The following FRMD4B variants were observed in gnomAD, a reference collection of about 807,000 sequenced individuals.
The protein encoded by FRMD4B is FERM domain-containing protein 4B.
Under a neutral mutation model 141.5 loss-of-function variants are expected in FRMD4B, and 74 were observed. That is an observed-to-expected ratio of 0.52 (90% CI 0.43 to 0.63). FRMD4B has a LOEUF of 0.63. FRMD4B is among the 30% of genes least tolerant of loss of function. The pLI is 0.00. For synonymous variants in FRMD4B, 506 were observed against 467.9 expected (o/e 1.08, Z -1.05); for missense variants, 1,366 against 1,253.4 (o/e 1.09, Z -1.36).
intron 1 of FRMD4B, chr3:69,472,219 T>G: frequency 3.3e-6 from 1 of 301,418 alleles, no homozygotes; most frequent in Admixed American, 3.6e-5. Context: ...GAAGATCTTG[T>G]GACTAAAATG....
chr3:69,464,577 C>A (rs535238290), intron 1 of FRMD4B, among the ~76,000 whole-genome samples: 1 of 152,232 alleles, frequency 6.6e-6, no homozygotes, highest in African/African-American at 2.4e-5. Flanking sequence ...AATGTGGAGA[C>A]CCCTTTCTTA....
At chr3:69,177,962 G>A (rs1283249477) in intron 21 of FRMD4B, among the ~76,000 whole-genome samples, 1 of 152,194 alleles carries the variant, frequency 6.6e-6, no homozygotes, top group Non-Finnish European at 1.5e-5. Flanking sequence ...AAGTAGCACA[G>A]GAAGGAATTC....
At position 69,170,724 on chromosome 3, in the gene FRMD4B, A is replaced by C. The variant is rs928570655; in HGVS notation, c.*1137T>G. The stretch of plus-strand genomic sequence containing the variant: ...ACCCTACAATAAACCATAGCTAATT[A>C]GTTCTTCCAAGGAAAGTATGAGGTA... On this transcript the variant is annotated 3_prime_UTR_variant, in exon 23 of 23. Transcript: ENST00000398540. 6.6e-6 allele frequency: 1 copy of C among 152,214 alleles called. No individual in the cohort carries two copies. Among genetic ancestry groups the C allele is most frequent in the African/African-American group, 2.4e-5 (1 of 41,452 alleles). The allele number at this position is 152,214 out of a possible 1,614,324, so 9.4% of individuals were successfully genotyped here.
At chr3:69,448,309 C>T (rs1331335597) in intron 1 of FRMD4B, among the ~76,000 whole-genome samples, 1 of 152,136 alleles carries the variant, frequency 6.6e-6, no homozygotes, top group Admixed American at 6.6e-5. Context: ...GGATTACAGG[C>T]GTGAGACACC....
At chr3:69,242,429 T>C (rs1171865045) in intron 7 of FRMD4B, among the ~76,000 whole-genome samples, 2 of 146,718 alleles carry the variant, frequency 1.4e-5, no homozygotes, top group Admixed American at 6.9e-5. Flanking sequence ...CTTCCTTAAC[T>C]ACTCTCCAGG....
In FRMD4B at chr3:69,266,193, C is replaced by A. The variant is rs141377945; in HGVS notation, c.502-16094G>T. ...CTCCAGCCTGGGTGACAGAGTGAGA[C>A]CTTGTCTCAAAAAAGAAAAAAAAAA... On this transcript the variant is annotated intron_variant, in intron 5 of 22. Transcript: ENST00000398540. Among the ~76,000 whole-genome samples, 1,287 of 151,340 alleles carry A rather than the reference C, an allele frequency of 8.5e-3. 22 individuals are homozygous for A. Among genetic ancestry groups the A allele is most frequent in the African/African-American group, 0.03 (1,227 of 41,308 alleles).
At chr3:69,503,003 T>C (rs537334566) in intron 1 of FRMD4B, among the ~76,000 whole-genome samples, 2 of 152,168 alleles carry the variant, frequency 1.3e-5, no homozygotes, top group Non-Finnish European at 2.9e-5. Context: ...TCATACCAGT[T>C]AGAATAGCGA....
chr3:69,453,246 G>T (rs182474696), intron 1 of FRMD4B, among the ~76,000 whole-genome samples: 190 of 152,322 alleles, frequency 1.2e-3, no homozygotes, highest in Non-Finnish European at 1.5e-3. Flanking sequence ...AGTGCCTTGT[G>T]TTGCAGCACC....
chr3:69,534,051 A>G (rs894910571), intron 1 of FRMD4B, among the ~76,000 whole-genome samples: 2 of 152,194 alleles, frequency 1.3e-5, no homozygotes, highest in African/African-American at 4.8e-5. Flanking sequence ...CTTGTTAGAA[A>G]TGCAGTCTCA....
intron 7 of FRMD4B, among the ~76,000 whole-genome samples, chr3:69,236,661 T>C (rs942134654): frequency 6.6e-6 from 1 of 152,182 alleles, no homozygotes; most frequent in African/African-American, 2.4e-5. Flanking sequence ...TAAAGCTCCT[T>C]AAACCACACA....
intron 7 of FRMD4B, among the ~76,000 whole-genome samples, chr3:69,244,101 TCA>T (rs200564884): frequency 6.6e-6 from 1 of 152,048 alleles, no homozygotes; most frequent in Non-Finnish European, 1.5e-5. Flanking sequence ...AACACATAAT[TCA>T]CACACACACA....
chr3:69,411,005 G>A (rs1307307230), intron 2 of FRMD4B, among the ~76,000 whole-genome samples: 1 of 152,006 alleles, frequency 6.6e-6, no homozygotes, highest in African/African-American at 2.4e-5. Context: ...TGAAATCCAT[G>A]AGTCCCATGG....
Position 69,172,014 on chromosome 3 carries a change from T to C in FRMD4B, c.2985-33A>G, listed in dbSNP as rs372062502. 2.3e-5 allele frequency: 37 copies of C among 1,609,150 alleles called. No homozygotes were observed. In the African/African-American group the frequency reaches 3.9e-4, roughly 17 times the overall value. On this transcript the variant is annotated intron_variant, in intron 22 of 22. Transcript: ENST00000398540. Reference sequence around the variant, plus strand: ...AGAAAACCAGAAAAGTTACTACTTGTGGCCATATTTTTGTCCCCACAGCAC... The same window carrying C: ...AGAAAACCAGAAAAGTTACTACTTGCGGCCATATTTTTGTCCCCACAGCAC...
At chr3:69,336,500 C>T (rs1379886689) in intron 1 of FRMD4B, 1 of 152,242 alleles carries the variant, frequency 6.6e-6, no homozygotes, top group Non-Finnish European at 1.5e-5. Context: ...GATAAGTCTG[C>T]TTACTGTGAG....
At position 69,519,997 on chromosome 3, in the gene FRMD4B, CATATATATAT is replaced by C. The variant is rs71618288; in HGVS notation, c.-129+22199_-129+22208del. On this transcript the variant is annotated intron_variant, in intron 1 of 5. Transcript: ENST00000459638. ...TCCTTTTTGTGGCTGAGTAGTATTC[CATATATATAT>C]ATATATATATATATATATTCCATCA... Among the ~76,000 whole-genome samples, 4 of 88,388 alleles carry C rather than the reference CATATATATAT, an allele frequency of 4.5e-5. 1 individual carries two copies. The highest frequency in any genetic ancestry group is 2.0e-4 in the African/African-American group (4 of 19,644). 58.0% of individuals were successfully genotyped at this position (88,388 alleles called of 152,430 possible).
chr3:69,503,799 G>GCC (rs917422194), intron 1 of FRMD4B, among the ~76,000 whole-genome samples: 7 of 151,990 alleles, frequency 4.6e-5, no homozygotes, highest in Admixed American at 1.3e-4. Flanking sequence ...GTTAGTATTT[G>GCC]TTACCGGGCA....
At chr3:69,205,071 A>AC (rs1201702796) in intron 11 of FRMD4B, among the ~76,000 whole-genome samples, 1 of 150,622 alleles carries the variant, frequency 6.6e-6, no homozygotes, top group Non-Finnish European at 1.5e-5. Context: ...AAAAAAAAAA[A>AC]AAAGAAAAAG....
chr3:69,321,719 A>AT (rs10710995), intron 1 of FRMD4B, among the ~76,000 whole-genome samples: 2,356 of 150,642 alleles, frequency 0.016, 65 homozygotes, highest in African/African-American at 0.054. Flanking sequence ...TTCACAAATG[A>AT]TTTTTTTTTT....
chr3:69,337,611 A>G (rs1050094264), intron 1 of FRMD4B, among the ~76,000 whole-genome samples: 1 of 152,196 alleles, frequency 6.6e-6, no homozygotes, highest in Non-Finnish European at 1.5e-5. Context: ...AATTTACAAG[A>G]AAAAAACAAA....
Sources: gnomAD v4.1 joint callset for allele counts (sites outside exome capture counted in the v4.1 genomes callset) on GRCh38, gnomAD v4.1.1 for gene constraint, MANE v1.5 for transcripts, NCBI Gene and HGNC (gene_info 2026-07-23, HGNC 2026-07-21) for gene names.